The following COG5 variants were observed in gnomAD, a reference collection of about 807,000 sequenced individuals.
COG5 encodes the protein conserved oligomeric Golgi complex subunit 5.
In COG5, 86 loss-of-function variants were observed where a neutral mutation model predicts 110.4. That is an observed-to-expected ratio of 0.78 (90% confidence interval 0.65 to 0.93). The LOEUF is 0.93. COG5 is among the 40% of genes least tolerant of loss of function. COG5 has a pLI of 0.00. For synonymous variants in COG5, 360 were observed against 334.6 expected, an observed-to-expected ratio of 1.08 and a Z score of -0.83; for missense variants, 1,077 against 987.0, an observed-to-expected ratio of 1.09 and a Z score of -1.22.
chr7:107,328,844 G>A (rs998034469), intron 10 of COG5, among the ~76,000 whole-genome samples: 9 of 151,456 alleles, frequency 5.9e-5, no homozygotes, highest in Admixed American at 2.0e-4. Flanking sequence ...ATTTTAAGAC[G>A]GAGTCTCGCT....
At chr7:107,261,036 G>A (rs867472118) in intron 14 of COG5, among the ~76,000 whole-genome samples, 2 of 151,450 alleles carry the variant, frequency 1.3e-5, no homozygotes, top group Non-Finnish European at 2.9e-5. Flanking sequence ...ACACCCACCC[G>A]TCACCTAAAT....
intron 6 of COG5, among the ~76,000 whole-genome samples, chr7:107,455,484 G>A (rs1563045156): frequency 2.6e-5 from 4 of 152,142 alleles, no homozygotes; most frequent in Non-Finnish European, 4.4e-5. Context: ...AAGTGGTGGT[G>A]GTCTCAGCCC....
intron 6 of COG5, among the ~76,000 whole-genome samples, chr7:107,506,021 A>C (rs1352652892): frequency 6.6e-6 from 1 of 152,172 alleles, no homozygotes; most frequent in Admixed American, 6.5e-5. Flanking sequence ...TTGGTTATGG[A>C]TAGTCTTAAT....
intron 19 of COG5, among the ~76,000 whole-genome samples, chr7:107,222,980 C>G (rs1252938023): frequency 6.6e-6 from 1 of 152,048 alleles, no homozygotes; most frequent in African/African-American, 2.4e-5. Flanking sequence ...CTTGTTAAGG[C>G]CAATCATGAA....
intron 7 of COG5, 28 bp downstream of exon 7, chr7:107,412,472 TAC>T (rs762813933): frequency 2.5e-6 from 4 of 1,600,402 alleles, no homozygotes; most frequent in African/African-American, 2.7e-5. Flanking sequence ...ACACATTTTT[TAC>T]ATTAAAAAAC....
At position 107,442,335 on chromosome 7, in the gene COG5, G is replaced by A. The variant is rs116165624; in HGVS notation, c.539-29703C>T. ...GAAGCAGAAGAATGTACAGCCTGCA[G>A]AACCAGGAGCTAATTAAATCTCCTT... is the stretch of plus-strand genomic sequence containing the variant. On this transcript the variant is annotated intron_variant, in intron 6 of 21. Coordinates refer to ENST00000297135, the MANE Select transcript of COG5 (RefSeq NM_006348.5). Among the ~76,000 whole-genome samples, 840 of 152,256 alleles carry A rather than the reference G, an allele frequency of 5.5e-3. 8 individuals carry two copies. The highest frequency in any genetic ancestry group is 0.019 in the African/African-American group (809 of 41,534).
Position 107,248,384 on chromosome 7 carries a change from A to G in COG5, c.1853+12T>C. ...AGTAAAAGTTAGTAAAAATTTGGTT[A>G]GAAGTAATTACCCAGAAAAGTCTTC... On this transcript the variant is annotated intron_variant, in intron 17 of 21. Transcript: ENST00000297135. The G allele has an allele frequency of 3.9e-6, 6 of 1,544,930 alleles. No homozygotes were observed. The highest frequency in any genetic ancestry group is 5.4e-6 in the Non-Finnish European group (6 of 1,116,970).
chr7:107,295,078 T>C (rs1181612860), intron 12 of COG5, among the ~76,000 whole-genome samples: 935 of 58,990 alleles, frequency 0.016, 20 homozygotes, highest in African/African-American at 0.068. Flanking sequence ...TATATATATA[T>C]ATATATATAT....
intron 6 of COG5, among the ~76,000 whole-genome samples, chr7:107,473,435 C>T (rs1351140015): frequency 1.3e-5 from 2 of 151,936 alleles, no homozygotes; most frequent in African/African-American, 4.8e-5. Flanking sequence ...ATATTAATCA[C>T]TGGCCTATTT....
At chr7:107,261,330 C>G (rs1001381381) in intron 14 of COG5, among the ~76,000 whole-genome samples, 2 of 152,160 alleles carry the variant, frequency 1.3e-5, no homozygotes, top group Admixed American at 6.5e-5. Flanking sequence ...CTCTCTCTCT[C>G]TCTCTCTCAG....
chr7:107,531,838 A>G (rs1801233874), intron 5 of COG5, among the ~76,000 whole-genome samples: 1 of 152,070 alleles, frequency 6.6e-6, no homozygotes, highest in Admixed American at 6.6e-5. Flanking sequence ...GAAGTTTCCC[A>G]AGTTTTAGGA....
intron 6 of COG5, among the ~76,000 whole-genome samples, chr7:107,453,481 T>A (rs148485946): frequency 6.6e-6 from 1 of 152,150 alleles, no homozygotes; most frequent in African/African-American, 2.4e-5. Context: ...TTTATACTCT[T>A]GTCTCAGCAA....
At chr7:107,488,758 G>A (rs1253029702) in intron 6 of COG5, among the ~76,000 whole-genome samples, 1 of 151,818 alleles carries the variant, frequency 6.6e-6, no homozygotes, top group Non-Finnish European at 1.5e-5. Context: ...AAGGTGAGAG[G>A]ACCACCTAAG....
intron 19 of COG5, among the ~76,000 whole-genome samples, chr7:107,212,967 C>T (rs898880882): frequency 3.3e-5 from 5 of 152,162 alleles, no homozygotes; most frequent in Non-Finnish European, 7.3e-5. Context: ...TTCTGAGTTG[C>T]TTTGAAGGAA....
intron 6 of COG5, among the ~76,000 whole-genome samples, chr7:107,431,564 G>C (rs1243290459): frequency 2.6e-5 from 4 of 151,736 alleles, no homozygotes; most frequent in Non-Finnish European, 5.9e-5. Context: ...TTTTATTTGG[G>C]GCATCATCAA....
At chr7:107,229,828 T>C (rs529841552) in intron 19 of COG5, among the ~76,000 whole-genome samples, 13 of 99,022 alleles carry the variant, frequency 1.3e-4, no homozygotes, top group Non-Finnish European at 2.2e-4. Flanking sequence ...GATTCTTCTG[T>C]TTTTTTTTTG....
At chr7:107,232,442 T>A (rs1338110359) in intron 18 of COG5, among the ~76,000 whole-genome samples, 1 of 152,230 alleles carries the variant, frequency 6.6e-6, no homozygotes, top group Non-Finnish European at 1.5e-5. Context: ...AAATTATATA[T>A]TTTTCACGAA....
intron 16 of COG5, among the ~76,000 whole-genome samples, chr7:107,250,515 C>T (rs986306910): frequency 3.3e-5 from 5 of 151,602 alleles, no homozygotes. Flanking sequence ...AAAATTACTA[C>T]ACATATAAAA....
At chr7:107,381,267 G>C (rs1024399498) in intron 7 of COG5, among the ~76,000 whole-genome samples, 3 of 152,104 alleles carry the variant, frequency 2.0e-5, no homozygotes, top group African/African-American at 7.2e-5. Context: ...CCTGACACCT[G>C]GCTTTTCAGA....
Sources: allele counts gnomAD v4.1 joint callset (sites outside exome capture counted in the v4.1 genomes callset), GRCh38; gene constraint gnomAD v4.1.1; transcripts MANE v1.5; gene names NCBI Gene and HGNC (gene_info 2026-07-23, HGNC 2026-07-21).